CAPN15: variants seen among roughly 807,000 people sequenced by gnomAD.
CAPN15 encodes calpain 15.
Under a neutral mutation model 97.9 loss-of-function variants are expected in CAPN15, and 53 were observed. The observed-to-expected ratio is 0.54, with a 90% CI of 0.43 to 0.68. The LOEUF (loss-of-function observed/expected upper bound fraction) is 0.68, where lower values mean the gene tolerates loss of function less well. Ranked by LOEUF, CAPN15 falls within the 30% of genes least tolerant of loss-of-function variation. The probability of loss-of-function intolerance (pLI) is 0.00; values close to 1 mark genes in which losing one functional copy is unlikely to be tolerated. For missense variants in CAPN15, 1,592 were observed against 1,589.8 expected (o/e 1.00, Z -0.02); for synonymous variants, 922 against 722.5 (o/e 1.28, Z -4.43).
intron 3 of CAPN15, among the ~76,000 whole-genome samples, chr16:544,500 G>T (rs889664869): frequency 6.6e-6 from 1 of 152,152 alleles, no homozygotes; most frequent in Non-Finnish European, 1.5e-5. Context: ...GGGTGCTGCT[G>T]TCCCGGCTGC....
intron 3 of CAPN15, among the ~76,000 whole-genome samples, chr16:536,466 C>T (rs1009401283): frequency 2.3e-4 from 35 of 151,778 alleles, no homozygotes; most frequent in African/African-American, 6.3e-4. Flanking sequence ...TCTGTCGCCC[C>T]GGCTGGAGTG....
intron 3 of CAPN15, among the ~76,000 whole-genome samples, chr16:544,704 TCGCCTCCCCCACGTCGCCTCCCCCA>T (rs2034415704): frequency 1.6e-4 from 20 of 126,142 alleles, no homozygotes; most frequent in South Asian, 5.4e-4. Flanking sequence ...CTCCCCCACG[TCGCCTCCCCCACGTCGCCTCCCCCA>T]CGTCGCCTCC....
intron 3 of CAPN15, among the ~76,000 whole-genome samples, chr16:545,449 G>A (rs776417166): frequency 6.6e-6 from 1 of 152,122 alleles, no homozygotes; most frequent in African/African-American, 2.4e-5. Context: ...AGCCACAGAA[G>A]GGCCGTGGCC....
chr16:547,868 T>A lies in CAPN15; in HGVS notation c.1030T>A (p.Trp344Arg). Residue 344 changes from tryptophan (W) to arginine (R), a missense_variant, in exon 4 of 14, where the codon TGG becomes AGG. Trp to Arg is a moderately radical substitution (Grantham distance 101). Transcript: ENST00000219611. ...ASPSSPDFTT[W>R]SCAKCTLRNP... ...CCCCTCCAGCCCCGACTTCACCACC[T>A]GGTCATGTGCCAAGTGCACGCTCAG... The A allele has an allele frequency of 6.2e-7, 1 of 1,611,514 alleles. No individual in the cohort carries two copies. The highest frequency in any genetic ancestry group is 1.1e-5 in the South Asian group (1 of 90,854).
Position 554,601 on chromosome 16 carries a change from C to A in CAPN15, c.*1085C>A, listed in dbSNP as rs2142096273. ...TCTCCACAGTGGCTTCCGACTCAGG[C>A]TCCAATGGACCAAATAAAAGCGTTT... On this transcript the variant is annotated 3_prime_UTR_variant, in exon 14 of 14. Transcript: ENST00000219611. 2 of 456,252 alleles carry A rather than the reference C, an allele frequency of 4.4e-6. No individual in the cohort carries two copies. The highest frequency in any genetic ancestry group is 3.1e-5 in the South Asian group (2 of 64,568). 28.3% of individuals were successfully genotyped at this position (456,252 alleles called of 1,614,324 possible).
At position 547,059 on chromosome 16, in the gene CAPN15, C is replaced by G. The variant is rs141227716; in HGVS notation, c.221C>G (p.Ala74Gly). 2.5e-6 allele frequency: 4 copies of G among 1,603,192 alleles called. No individual in the cohort carries two copies. The highest frequency in any genetic ancestry group is 3.4e-6 in the Non-Finnish European group (4 of 1,177,000). The change falls in exon 4 of 14, where the codon GCG becomes GGG. Residue 74 changes from alanine to glycine, a missense_variant. Physicochemically the swap from Ala to Gly is moderately conservative, Grantham distance 60. Around this residue, in one of 3 missense-constraint regions of CAPN15, gnomAD observed 883 missense variants for 776.6 expected, o/e 1.14. Transcript: ENST00000219611. ...CEVCGFTPEP[A>G]PGAAFLPVLN... is the part of the protein sequence containing the mutation. ...GTGTGCGGCTTCACCCCGGAGCCTG[C>G]GCCTGGGGCTGCCTTCCTGCCAGTC...
Position 550,777 on chromosome 16 carries a change from G to GC in CAPN15, c.2067-525_2067-524insC, listed in dbSNP as rs1309248490. 2.1e-3 allele frequency among the ~76,000 whole-genome samples: 180 copies of GC among 87,614 alleles called. 1 individual carries two copies. The highest frequency in any genetic ancestry group is 3.3e-3 in the Non-Finnish European group (145 of 43,954). 57.5% of individuals were successfully genotyped at this position (87,614 alleles called of 152,430 possible). A position where few individuals can be genotyped will look rare whatever the true frequency, so the allele number is the denominator to read the frequency against. On this transcript the variant is annotated intron_variant, in intron 7 of 13. Transcript: ENST00000219611. ...CGGTGAGGGTCCCCTGCCGGTGAGGGTCCCGGTCGGTGAGGGTCCCGGTCG... is the reference window on the plus strand; with the variant it reads ...CGGTGAGGGTCCCCTGCCGGTGAGGGCTCCCGGTCGGTGAGGGTCCCGGTCG...
intron 3 of CAPN15, 34 bp downstream of exon 3, chr16:536,176 G>A (rs947338419): frequency 6.9e-5 from 47 of 684,156 alleles, no homozygotes; most frequent in East Asian, 5.3e-4. Flanking sequence ...CTGGCTGGCC[G>A]CAGCAGGCCC....
Position 552,847 on chromosome 16 carries a change from C to A in CAPN15, c.2905-16C>A. 6.3e-7 allele frequency: 1 copy of A among 1,585,868 alleles called. No homozygotes were observed. The highest frequency in any genetic ancestry group is 8.6e-7 in the Non-Finnish European group (1 of 1,163,200). On this transcript the variant is annotated splice_polypyrimidine_tract_variant and intron_variant, in intron 12 of 13. Coordinates refer to ENST00000219611, the MANE Select transcript of CAPN15 (RefSeq NM_005632.3). The surrounding 1 kb of genome is among the most constrained non-coding windows in gnomAD (Gnocchi z 6.4). ...CAGCACCTCCCCTGCCCCACAACTG[C>A]CATTCCTGTGCCCAGGGCCGTGAGG...
In CAPN15 at chr16:539,188, T is replaced by A. The variant is rs958887743; in HGVS notation, c.-23+3046T>A. The stretch of plus-strand genomic sequence containing the variant: ...CTTACTTGACCCTTTCCTCCTAAGC[T>A]CTACCCTGACGCTGGCTGTGTGTCC... On this transcript the variant is annotated intron_variant, in intron 3 of 13. Transcript: ENST00000219611. The A allele has an allele frequency of 2.0e-5, 3 of 152,352 alleles. 1 individual carries two copies. The highest frequency in any genetic ancestry group is 1.3e-4 in the Admixed American group (2 of 15,300). 9.4% of individuals were successfully genotyped at this position (152,352 alleles called of 1,614,324 possible).
intron 1 of CAPN15, among the ~76,000 whole-genome samples, chr16:530,852 G>A (rs1193723281): frequency 6.6e-6 from 1 of 152,240 alleles, no homozygotes; most frequent in African/African-American, 2.4e-5. Context: ...AGTGCTGCAT[G>A]GGAAGCCAGC....
In CAPN15 at chr16:547,071, C is replaced by T; in HGVS notation, c.233C>T (p.Ala78Val). 1 of 1,600,172 alleles carries T rather than the reference C, an allele frequency of 6.2e-7. No individual in the cohort carries two copies. Among genetic ancestry groups the T allele is most frequent in the Non-Finnish European group, 8.5e-7 (1 of 1,175,478 alleles). The stretch of plus-strand genomic sequence containing the variant: ...ACCCCGGAGCCTGCGCCTGGGGCTG[C>T]CTTCCTGCCAGTCCTCAACGGGGTC... ...GFTPEPAPGAAFLPVLNGVLP... is the reference protein window; with the variant it reads ...GFTPEPAPGAVFLPVLNGVLP... The change falls in exon 4 of 14, where the codon GCC becomes GTC. Residue 78 changes from alanine (A) to valine (V), a missense_variant. Ala to Val is a moderately conservative substitution (Grantham distance 64). Coordinates refer to ENST00000219611, the MANE Select transcript of CAPN15 (RefSeq NM_005632.3).
intron 3 of CAPN15, among the ~76,000 whole-genome samples, chr16:544,048 A>G (rs1277768805): frequency 6.6e-6 from 1 of 152,168 alleles, no homozygotes; most frequent in Non-Finnish European, 1.5e-5. Context: ...GGCGCCCTCA[A>G]TCAGTAAGTC....
intron 1 of CAPN15, chr16:528,858 C>T (rs908355037): frequency 2.4e-5 from 18 of 742,362 alleles, no homozygotes; most frequent in Non-Finnish European, 3.0e-5. Flanking sequence ...CGGATCTCTT[C>T]CTCTGCCCAG....
In CAPN15 at chr16:536,030, C is replaced by A; in HGVS notation, c.-135C>A. 9.6e-6 allele frequency: 2 copies of A among 208,010 alleles called. No homozygotes were observed. The highest frequency in any genetic ancestry group is 1.4e-5 in the Non-Finnish European group (2 of 139,134). The allele number at this position is 208,010 out of a possible 1,614,324, so 12.9% of individuals were successfully genotyped here. ...CCCCCCCCCCCCCCGGTTATTCAGA[C>A]AGGGAGCCAGGATGGGAACCACGGA... On this transcript the variant is annotated splice_region_variant and 5_prime_UTR_variant, in exon 3 of 14. Transcript: ENST00000219611.
rs936287531 is a variant in CAPN15, at chr16:528,758, C to T, written c.-190+729C>T. On this transcript the variant is annotated intron_variant, in intron 1 of 13. Coordinates refer to ENST00000219611, the MANE Select transcript of CAPN15 (RefSeq NM_005632.3). ...GGAAAGCAATGGTGAGGCCCAGAAC[C>T]TGAGGCCAGGCCTGGGTGTGTGGGG... The T allele has an allele frequency of 5.1e-6, 5 of 985,252 alleles. No homozygotes were observed. The African/African-American group carries it at 8.7e-5, about 17-fold the overall frequency. 61.0% of individuals were successfully genotyped at this position (985,252 alleles called of 1,614,324 possible). A position where few individuals can be genotyped will look rare whatever the true frequency, so the allele number is the denominator to read the frequency against.
At chr16:530,296 T>C (rs11860412) in intron 1 of CAPN15, among the ~76,000 whole-genome samples, 48,635 of 152,198 alleles carry the variant, frequency 0.32, 12,956 homozygotes, top group African/African-American at 0.73. Flanking sequence ...TGTTTCTTGG[T>C]AGGCCTAGTG....
chr16:532,361 A>T (rs2033329192), intron 1 of CAPN15, among the ~76,000 whole-genome samples: 1 of 146,968 alleles, frequency 6.8e-6, no homozygotes. Context: ...AGAGACCAGC[A>T]TGGCCAACGT....
rs763210376 is a variant in CAPN15, at chr16:552,409, T to C, written c.2616T>C (p.Ser872=). Reference sequence around the variant, plus strand: ...GCCTGGGCCGCCTCCTGGCCCACAGTAAGCGCGCGGTCAAGAAGTTCGTCA... The same window carrying C: ...GCCTGGGCCGCCTCCTGGCCCACAGCAAGCGCGCGGTCAAGAAGTTCGTCA... ...HLSLGRLLAH[S]KRAVKKFVSC... The change falls in exon 11 of 14, where the codon AGT becomes AGC. Residue 872 remains serine, a synonymous_variant. Coordinates refer to ENST00000219611, the MANE Select transcript of CAPN15 (RefSeq NM_005632.3). This position sits in a 1 kb window ranked among gnomAD's most constrained non-coding sequence, Gnocchi z 6.4. The C allele has an allele frequency of 2.5e-6, 4 of 1,609,028 alleles. No individual in the cohort carries two copies. The highest frequency in any genetic ancestry group is 3.4e-6 in the Non-Finnish European group (4 of 1,179,454).
Sources: allele counts gnomAD v4.1 joint callset (sites outside exome capture counted in the v4.1 genomes callset), GRCh38; gene constraint gnomAD v4.1.1; regional missense constraint gnomAD v4.1.1; non-coding constraint Gnocchi (gnomAD v3.1); transcripts MANE v1.5; gene names NCBI Gene and HGNC (gene_info 2026-07-23, HGNC 2026-07-21).